The following C12orf42 variants were observed in gnomAD, a reference collection of about 807,000 sequenced individuals.
C12orf42 encodes the protein chromosome 12 open reading frame 42, also known as uncharacterized protein C12orf42.
C12orf42 carries 25 observed loss-of-function variants against 21.6 expected under a neutral mutation model. The ratio of observed to expected loss-of-function variants is 1.16; its 90% CI spans 0.84 to 1.62. The LOEUF is 1.62. Among genes scored for constraint, C12orf42 ranks in the 40% most tolerant of loss-of-function variants. The pLI is 0.00. For missense variants in C12orf42, 483 were observed against 459.3 expected (o/e 1.05, Z -0.47); for synonymous variants, 174 against 175.0 (o/e 0.99, Z 0.05).
At chr12:103,248,757 C>T (rs987131915) in intron 10 of C12orf42, among the ~76,000 whole-genome samples, 1 of 151,910 alleles carries the variant, frequency 6.6e-6, no homozygotes, top group Non-Finnish European at 1.5e-5. Context: ...AACCACTTGA[C>T]CTCTTTGTGT....
chr12:103,514,528 G>T, the C12orf42 span, among the ~76,000 whole-genome samples: 1 of 152,276 alleles, frequency 6.6e-6, no homozygotes, highest in East Asian at 1.9e-4. Flanking sequence ...AGGAGTATGG[G>T]AGACAAAGTC....
At chr12:103,224,776 A>G in the C12orf42 span, among the ~76,000 whole-genome samples, 2 of 152,188 alleles carry the variant, frequency 1.3e-5, no homozygotes, top group African/African-American at 4.8e-5. Flanking sequence ...GCACACAGAC[A>G]TGAGGGCTAG....
the C12orf42 span, among the ~76,000 whole-genome samples, chr12:103,223,089 C>T: frequency 6.6e-6 from 1 of 152,050 alleles, no homozygotes; most frequent in East Asian, 1.9e-4. Context: ...TCTTCCTCAA[C>T]AACATATGTT....
intron 2 of C12orf42, among the ~76,000 whole-genome samples, chr12:103,408,731 A>G (rs922981275): frequency 1.3e-5 from 2 of 152,208 alleles, no homozygotes; most frequent in Non-Finnish European, 2.9e-5. Context: ...CTTGTAGACA[A>G]GCTTCTTAAA....
intron 4 of C12orf42, among the ~76,000 whole-genome samples, chr12:103,359,322 C>A (rs1399475033): frequency 6.6e-6 from 1 of 151,962 alleles, no homozygotes; most frequent in East Asian, 1.9e-4. Flanking sequence ...TCATCAAACA[C>A]ACAGATTTGT....
chr12:103,491,991 C>T (rs529946283), intron 1 of C12orf42, among the ~76,000 whole-genome samples: 1 of 152,194 alleles, frequency 6.6e-6, no homozygotes, highest in South Asian at 2.1e-4. Context: ...GAGTCTCACT[C>T]TGTCACCCAG....
At chr12:103,388,100 A>G (rs1272127745) in intron 3 of C12orf42, among the ~76,000 whole-genome samples, 1 of 152,208 alleles carries the variant, frequency 6.6e-6, no homozygotes, top group Non-Finnish European at 1.5e-5. Flanking sequence ...TCCACTCTTA[A>G]GTGTGCACCC....
At chr12:103,074,442 A>G in the C12orf42 span, among the ~76,000 whole-genome samples, 1 of 152,154 alleles carries the variant, frequency 6.6e-6, no homozygotes, top group Non-Finnish European at 1.5e-5. Context: ...TACCTCATCA[A>G]GGAAGCAGGT....
the C12orf42 span, among the ~76,000 whole-genome samples, chr12:103,132,368 G>T: frequency 4.8e-4 from 73 of 152,138 alleles, 1 homozygote; most frequent in African/African-American, 1.7e-3. Flanking sequence ...AAGTAGATGA[G>T]TGACCCTCAG....
Position 103,416,118 on chromosome 12 carries a change from T to C in C12orf42, c.79-14443A>G, listed in dbSNP as rs1028369010. ...TTGTGCAACACATGGGTCTGTGTGC[T>C]AGGTGTCATTTTGGTTGCTTGTTTT... On this transcript the variant is annotated intron_variant, in intron 2 of 5. Coordinates refer to ENST00000548883, the MANE Select transcript of C12orf42 (RefSeq NM_198521.5). 4.6e-5 allele frequency among the ~76,000 whole-genome samples: 7 copies of C among 152,046 alleles called. 1 individual carries two copies. Among genetic ancestry groups the C allele is most frequent in the Admixed American group, 2.6e-4 (4 of 15,258 alleles).
the C12orf42 span, among the ~76,000 whole-genome samples, chr12:103,089,223 A>G: frequency 1.3e-5 from 2 of 152,022 alleles, no homozygotes; most frequent in Non-Finnish European, 2.9e-5. Flanking sequence ...TCATCTTGAC[A>G]AAAACCTCAT....
chr12:103,099,525 A>G, the C12orf42 span, among the ~76,000 whole-genome samples: 3 of 152,204 alleles, frequency 2.0e-5, no homozygotes, highest in African/African-American at 7.2e-5. Context: ...AGGAGTTAAG[A>G]ATTTTTATCA....
the C12orf42 span, among the ~76,000 whole-genome samples, chr12:103,154,389 T>G: frequency 6.6e-6 from 1 of 152,128 alleles, no homozygotes; most frequent in African/African-American, 2.4e-5. Flanking sequence ...ACCCAACACC[T>G]TGGAAGCAGT....
chr12:103,066,698 G>A, the C12orf42 span, among the ~76,000 whole-genome samples: 1 of 152,226 alleles, frequency 6.6e-6, no homozygotes, highest in African/African-American at 2.4e-5. Context: ...CAATGGTTTG[G>A]CCTGATGGTC....
the C12orf42 span, among the ~76,000 whole-genome samples, chr12:103,512,863 G>T: frequency 3.3e-5 from 5 of 152,122 alleles, no homozygotes; most frequent in African/African-American, 9.6e-5. Flanking sequence ...TTAGCCAGGC[G>T]TGGTGGTGGG....
the C12orf42 span, among the ~76,000 whole-genome samples, chr12:103,171,604 TGAA>T: frequency 1.3e-5 from 2 of 151,962 alleles, no homozygotes; most frequent in South Asian, 4.2e-4. Context: ...TTTAATAAAT[TGAA>T]GAGTTGGAAA....
intron 4 of C12orf42, among the ~76,000 whole-genome samples, chr12:103,338,143 GC>G (rs1305353685): frequency 6.6e-6 from 1 of 152,114 alleles, no homozygotes; most frequent in African/African-American, 2.4e-5. Context: ...GTTGAGTATG[GC>G]CAGTGTAACT....
At chr12:103,354,486 C>T (rs970453845) in intron 4 of C12orf42, among the ~76,000 whole-genome samples, 3 of 152,064 alleles carry the variant, frequency 2.0e-5, no homozygotes, top group Non-Finnish European at 2.9e-5. Flanking sequence ...ACAATCAATG[C>T]GGTTCATCAG....
chr12:103,228,276 G>A, the C12orf42 span, among the ~76,000 whole-genome samples: 1 of 152,104 alleles, frequency 6.6e-6, no homozygotes, highest in Non-Finnish European at 1.5e-5. Flanking sequence ...CAGTCAAAGG[G>A]GGTTTGTTCT....
Sources: gnomAD v4.1 joint callset for allele counts (sites outside exome capture counted in the v4.1 genomes callset) on GRCh38, gnomAD v4.1.1 for gene constraint, MANE v1.5 for transcripts, NCBI Gene and HGNC (gene_info 2026-07-23, HGNC 2026-07-21) for gene names.